FRMD3: variants seen among roughly 807,000 people sequenced by gnomAD.
FRMD3 encodes FERM domain containing 3.
FRMD3 carries 33 observed loss-of-function variants against 70.2 expected under a neutral mutation model. That is an observed-to-expected ratio of 0.47 (90% CI 0.36 to 0.63). The LOEUF is 0.63. FRMD3 is among the 20% of genes least tolerant of loss of function. FRMD3 has a pLI of 0.00. For missense variants in FRMD3, 632 were observed against 711.4 expected (o/e 0.89, Z 1.27); for synonymous variants, 279 against 255.9 (o/e 1.09, Z -0.86).
chr9:83,298,193 T>C (rs1034442681), intron 12 of FRMD3, among the ~76,000 whole-genome samples: 13 of 152,190 alleles, frequency 8.5e-5, no homozygotes, highest in African/African-American at 3.1e-4. Context: ...GGATGGGCAA[T>C]GATTTGTGTA....
chr9:83,334,041 C>T (rs906857574), intron 6 of FRMD3, among the ~76,000 whole-genome samples: 39 of 152,092 alleles, frequency 2.6e-4, no homozygotes, highest in African/African-American at 8.0e-4. Context: ...AAATTCAGGG[C>T]ATAGAAAACC....
intron 1 of FRMD3, among the ~76,000 whole-genome samples, chr9:83,425,941 C>T (rs1826797075): frequency 6.7e-6 from 1 of 148,596 alleles, no homozygotes; most frequent in Non-Finnish European, 1.5e-5. Flanking sequence ...ACCTTCCTGG[C>T]CCTTGCGTGG....
chr9:83,365,097 A>T (rs1275256773), intron 3 of FRMD3, among the ~76,000 whole-genome samples: 1 of 152,214 alleles, frequency 6.6e-6, no homozygotes, highest in Non-Finnish European at 1.5e-5. Flanking sequence ...CAGAACAAGG[A>T]CCCACCAGTG....
intron 13 of FRMD3, among the ~76,000 whole-genome samples, chr9:83,282,379 G>C (rs962344939): frequency 6.6e-6 from 1 of 152,102 alleles, no homozygotes; most frequent in Non-Finnish European, 1.5e-5. Flanking sequence ...TCACTTGAAG[G>C]CCAGAAATAA....
chr9:83,290,490 C>T (rs756240729), intron 13 of FRMD3, 113 bp downstream of exon 13: 54 of 1,179,718 alleles, frequency 4.6e-5, no homozygotes, highest in Non-Finnish European at 6.0e-5. Flanking sequence ...GTTTATGGCC[C>T]ACTCCACCCC....
intron 6 of FRMD3, chr9:83,331,764 C>G (rs895074143): frequency 1.5e-6 from 1 of 667,010 alleles, no homozygotes; most frequent in Non-Finnish European, 2.7e-6. Flanking sequence ...AAAATAAAGT[C>G]TATTAAAAAA....
At chr9:83,556,840 ATT>A in the FRMD3 span, among the ~76,000 whole-genome samples, 1 of 151,930 alleles carries the variant, frequency 6.6e-6, no homozygotes, top group East Asian at 1.9e-4. Flanking sequence ...ACTTTTTGAG[ATT>A]TTTTCCTTAT....
At chr9:83,453,007 A>G (rs943098583) in intron 1 of FRMD3, among the ~76,000 whole-genome samples, 5 of 151,838 alleles carry the variant, frequency 3.3e-5, no homozygotes, top group Non-Finnish European at 2.9e-5. Context: ...GTCATGCACC[A>G]CCACACCTGG....
At chr9:83,569,672 G>C in the FRMD3 span, among the ~76,000 whole-genome samples, 1 of 152,230 alleles carries the variant, frequency 6.6e-6, no homozygotes, top group African/African-American at 2.4e-5. Flanking sequence ...TTTCATCCAT[G>C]CTGTTGCAGA....
At chr9:83,554,914 T>C in the FRMD3 span, among the ~76,000 whole-genome samples, 1 of 152,138 alleles carries the variant, frequency 6.6e-6, no homozygotes, top group Non-Finnish European at 1.5e-5. Context: ...CCCAGCCACC[T>C]GGGATTTTCT....
At chr9:83,367,742 A>C (rs575824028) in intron 3 of FRMD3, among the ~76,000 whole-genome samples, 1 of 152,334 alleles carries the variant, frequency 6.6e-6, no homozygotes, top group African/African-American at 2.4e-5. Flanking sequence ...AATAGTTATA[A>C]TACTACTCAA....
intron 1 of FRMD3, among the ~76,000 whole-genome samples, chr9:83,464,526 T>C (rs971686361): frequency 6.6e-6 from 1 of 152,196 alleles, no homozygotes; most frequent in Non-Finnish European, 1.5e-5. Flanking sequence ...TGCTTAGCAC[T>C]TCCTGAGGAG....
At chr9:83,514,665 G>A (rs1694403779) in intron 1 of FRMD3, among the ~76,000 whole-genome samples, 1 of 152,166 alleles carries the variant, frequency 6.6e-6, no homozygotes, top group Non-Finnish European at 1.5e-5. Flanking sequence ...GCCTACTGAT[G>A]GGGAGACTCC....
intron 3 of FRMD3, among the ~76,000 whole-genome samples, chr9:83,353,842 T>C (rs1824244621): frequency 6.6e-6 from 1 of 152,256 alleles, no homozygotes; most frequent in Admixed American, 6.5e-5. Flanking sequence ...AGCAATGATC[T>C]ATTGTTATAG....
intron 3 of FRMD3, among the ~76,000 whole-genome samples, chr9:83,351,438 T>C (rs1824155611): frequency 6.6e-6 from 1 of 151,768 alleles, no homozygotes. Context: ...AACCTGATCC[T>C]ATGTTCCCAA....
chr9:83,500,502 G>GTGTATACA (rs1554713117), intron 1 of FRMD3, among the ~76,000 whole-genome samples: 39 of 143,790 alleles, frequency 2.7e-4, no homozygotes, highest in African/African-American at 9.2e-4. Flanking sequence ...GTGTATGCGC[G>GTGTATACA]CACACACACA....
At chr9:83,267,756 G>A (rs747701031) in intron 13 of FRMD3, among the ~76,000 whole-genome samples, 12 of 152,164 alleles carry the variant, frequency 7.9e-5, no homozygotes, top group Non-Finnish European at 1.5e-4. Flanking sequence ...TTAATAAAGA[G>A]TTTGCATTCT....
At chr9:83,284,238 T>A (rs775675413) in intron 13 of FRMD3, among the ~76,000 whole-genome samples, 1 of 151,958 alleles carries the variant, frequency 6.6e-6, no homozygotes, top group Non-Finnish European at 1.5e-5. Flanking sequence ...GCAGGAACCA[T>A]AAGGGGAAAG....
Position 83,440,785 on chromosome 9 carries a change from C to T in FRMD3, c.148-51077G>A, listed in dbSNP as rs111400164. 4.3e-3 allele frequency among the ~76,000 whole-genome samples: 650 copies of T among 152,280 alleles called. 12 individuals carry two copies. The highest frequency in any genetic ancestry group is 0.014 in the African/African-American group (587 of 41,558). ...CTTATCTATCAGATAGGAATAGGGG[C>T]CTGTGCCTTGCATAATTGAGGTAAA... is the stretch of plus-strand genomic sequence containing the variant. On this transcript the variant is annotated intron_variant, in intron 1 of 13. Coordinates refer to ENST00000304195, the MANE Select transcript of FRMD3 (RefSeq NM_174938.6).
Sources: gnomAD v4.1 joint callset for allele counts (sites outside exome capture counted in the v4.1 genomes callset) on GRCh38, gnomAD v4.1.1 for gene constraint, MANE v1.5 for transcripts, NCBI Gene and HGNC (gene_info 2026-07-23, HGNC 2026-07-21) for gene names.